The following PRKAR2A variants were observed in gnomAD, a reference collection of about 807,000 sequenced individuals.
The protein encoded by PRKAR2A is protein kinase cAMP-dependent type II regulatory subunit alpha, also known as cAMP-dependent protein kinase type II-alpha regulatory subunit.
In PRKAR2A, 29 loss-of-function variants were observed where a neutral mutation model predicts 51.9. The observed-to-expected ratio is 0.56, with a 90% confidence interval of 0.42 to 0.76. PRKAR2A has a LOEUF of 0.76. PRKAR2A is among the 30% of genes least tolerant of loss of function. PRKAR2A has a pLI of 0.00. For synonymous variants in PRKAR2A, 178 were observed against 186.2 expected, an observed-to-expected ratio of 0.96 and a Z score of 0.36; for missense variants, 445 against 512.1, an observed-to-expected ratio of 0.87 and a Z score of 1.26.
At chr3:48,791,592 C>CAA (rs35978535) in intron 3 of PRKAR2A, among the ~76,000 whole-genome samples, 852 of 40,652 alleles carry the variant, frequency 0.021, 13 homozygotes, top group East Asian at 0.032. Context: ...GATTCCGTCT[C>CAA]AAAAAAAAAA....
chr3:48,789,789 C>T (rs901596089), intron 4 of PRKAR2A, among the ~76,000 whole-genome samples: 8 of 151,992 alleles, frequency 5.3e-5, no homozygotes, highest in African/African-American at 1.9e-4. Context: ...TTCATTCTTA[C>T]CATAGATTTT....
chr3:48,745,358 T>C (rs2081552546), downstream of PRKAR2A, among the ~76,000 whole-genome samples: 1 of 152,096 alleles, frequency 6.6e-6, no homozygotes, highest in Non-Finnish European at 1.5e-5. Flanking sequence ...TTGGTGAGTT[T>C]GTCTTCCTGG....
intron 2 of PRKAR2A, among the ~76,000 whole-genome samples, chr3:48,794,260 T>C (rs1317734567): frequency 2.0e-5 from 3 of 151,440 alleles, no homozygotes; most frequent in Non-Finnish European, 4.4e-5. Context: ...CAAGCGATTC[T>C]CTTGCCTCAG....
intron 5 of PRKAR2A, among the ~76,000 whole-genome samples, chr3:48,777,454 G>A (rs2082123031): frequency 6.6e-6 from 1 of 152,096 alleles, no homozygotes. Context: ...TGCCCAGGCT[G>A]GAGTGCAGTG....
chr3:48,745,530 T>A (rs796266392), downstream of PRKAR2A, among the ~76,000 whole-genome samples: 1 of 136,340 alleles, frequency 7.3e-6, no homozygotes, highest in Non-Finnish European at 1.6e-5. Context: ...GGATAAGGTT[T>A]TTTTTTTTTT....
At chr3:48,761,716 G>A (rs2081865324) in intron 8 of PRKAR2A, among the ~76,000 whole-genome samples, 2 of 152,122 alleles carry the variant, frequency 1.3e-5, no homozygotes, top group African/African-American at 4.8e-5. Flanking sequence ...AAGTTCAAAC[G>A]ATTCTCGTGC....
chr3:48,744,935 C>A (rs528169143), downstream of PRKAR2A, among the ~76,000 whole-genome samples: 10 of 151,940 alleles, frequency 6.6e-5, no homozygotes, highest in African/African-American at 2.4e-4. Context: ...AGTGCAGTGG[C>A]GCAATCTTGG....
intron 1 of PRKAR2A, among the ~76,000 whole-genome samples, chr3:48,840,059 T>C (rs563798713): frequency 6.6e-6 from 1 of 152,342 alleles, no homozygotes; most frequent in South Asian, 2.1e-4. Context: ...AGCTCTCTTC[T>C]ACTTTCTGTC....
chr3:48,760,424 C>T (rs149055778), intron 8 of PRKAR2A, among the ~76,000 whole-genome samples: 1 of 152,038 alleles, frequency 6.6e-6, no homozygotes, highest in African/African-American at 2.4e-5. Context: ...AGCCTGTAAT[C>T]TTAGCTACTT....
chr3:48,776,081 T>C (rs2082100510), intron 5 of PRKAR2A, among the ~76,000 whole-genome samples: 1 of 152,152 alleles, frequency 6.6e-6, no homozygotes, highest in South Asian at 2.1e-4. Context: ...CACTCCAGCC[T>C]GGGCAACAGA....
chr3:48,819,322 AT>A (rs1407862702), intron 1 of PRKAR2A, among the ~76,000 whole-genome samples: 1 of 152,108 alleles, frequency 6.6e-6, no homozygotes, highest in Non-Finnish European at 1.5e-5. Flanking sequence ...ACCCTCAAAC[AT>A]TTTTTGTTAG....
At chr3:48,836,419 TAAAAAAAAAAAAAA>T (rs548970318) in intron 1 of PRKAR2A, among the ~76,000 whole-genome samples, 1 of 56,136 alleles carries the variant, frequency 1.8e-5, no homozygotes, top group African/African-American at 9.0e-5. Flanking sequence ...AGACTCCGTC[TAAAAAAAAAAAAAA>T]AAAAAAAAAA....
chr3:48,784,327 A>T (rs1428410183), intron 4 of PRKAR2A, among the ~76,000 whole-genome samples: 2 of 152,214 alleles, frequency 1.3e-5, no homozygotes, highest in African/African-American at 4.8e-5. Context: ...TATCAGAGTG[A>T]CTGTACTACC....
At chr3:48,794,476 C>T (rs1575889885) in intron 2 of PRKAR2A, among the ~76,000 whole-genome samples, 2 of 152,028 alleles carry the variant, frequency 1.3e-5, no homozygotes, top group African/African-American at 4.8e-5. Flanking sequence ...GCAGATGGAT[C>T]ATGAGGTCAA....
At chr3:48,829,315 T>C (rs527705263) in intron 1 of PRKAR2A, among the ~76,000 whole-genome samples, 170 of 151,074 alleles carry the variant, frequency 1.1e-3, no homozygotes, top group African/African-American at 3.4e-3. Flanking sequence ...GGTCAGGAGT[T>C]CGAGGCCAGC....
At chr3:48,813,428 G>A (rs2082813535) in intron 1 of PRKAR2A, among the ~76,000 whole-genome samples, 1 of 151,980 alleles carries the variant, frequency 6.6e-6, no homozygotes, top group African/African-American at 2.4e-5. Flanking sequence ...GGACATGGTG[G>A]CTCACGCCTG....
At position 48,794,005 on chromosome 3, in the gene PRKAR2A, C is replaced by T; in HGVS notation, c.343G>A (p.Asp115Asn). Residue 115 changes from aspartate to asparagine, a missense_variant, in exon 3 of 11, where the codon GAT (aspartate) becomes AAT (asparagine). Coordinates refer to ENST00000265563, the MANE Select transcript of PRKAR2A (RefSeq NM_004157.4). Reference protein sequence around the residue: ...YNPDEEEEDTDPRVIHPKTDE... With the variant: ...YNPDEEEEDTNPRVIHPKTDE... ...TTTGCTTTGGGTCTTACCCTTGGAT[C>T]TGTATCTTCCTCTTCCTCATCAGGG... The T allele has an allele frequency of 6.2e-7, 1 of 1,603,402 alleles. No individual in the cohort carries two copies. The highest frequency in any genetic ancestry group is 8.5e-7 in the Non-Finnish European group (1 of 1,170,512).
intron 1 of PRKAR2A, among the ~76,000 whole-genome samples, chr3:48,815,223 C>T (rs557944952): frequency 5.3e-5 from 8 of 151,904 alleles, no homozygotes; most frequent in Admixed American, 5.3e-4. Context: ...CTTCAATTTA[C>T]CAGTTCTAAA....
intron 1 of PRKAR2A, among the ~76,000 whole-genome samples, chr3:48,839,626 G>A (rs2083344501): frequency 6.6e-6 from 1 of 152,070 alleles, no homozygotes; most frequent in Non-Finnish European, 1.5e-5. Flanking sequence ...TAAAATAACA[G>A]CTAGTAAGTT....
Sources: allele counts gnomAD v4.1 joint callset (sites outside exome capture counted in the v4.1 genomes callset), GRCh38; gene constraint gnomAD v4.1.1; transcripts MANE v1.5; gene names NCBI Gene and HGNC (gene_info 2026-07-23, HGNC 2026-07-21).